Variants in PIGL observed in about 807,000 individuals in gnomAD.
PIGL encodes the protein phosphatidylinositol glycan anchor biosynthesis class L.
A neutral mutation model predicts 31.1 loss-of-function variants in PIGL; 22 were observed. That is an observed-to-expected ratio of 0.71 (90% confidence interval 0.51 to 1.01). The LOEUF is 1.01. PIGL is among the 50% of genes least tolerant of loss of function. The pLI is 0.00. For synonymous variants in PIGL, 131 were observed against 117.4 expected (o/e 1.12, Z -0.75); for missense variants, 302 against 315.9 (o/e 0.96, Z 0.33).
At chr17:16,316,631 C>G (rs1460867700) in intron 4 of PIGL, 50 bp from the exon 5 acceptor site, 2 of 1,545,300 alleles carry the variant, frequency 1.3e-6, no homozygotes, top group Non-Finnish European at 1.8e-6. Context: ...CTGTTACCTA[C>G]AAAGGAAATG....
chr17:16,269,039 T>A (rs1237975355), intron 2 of PIGL, among the ~76,000 whole-genome samples: 1 of 152,164 alleles, frequency 6.6e-6, no homozygotes, highest in Non-Finnish European at 1.5e-5. Flanking sequence ...TGGGATTACA[T>A]GCGTAAGCAA....
chr17:16,243,476 T>C (rs1427695567), intron 2 of PIGL, among the ~76,000 whole-genome samples: 1 of 152,212 alleles, frequency 6.6e-6, no homozygotes, highest in Admixed American at 6.5e-5. Flanking sequence ...AGATTTATTC[T>C]TGATCTTACT....
At position 16,293,648 on chromosome 17, in the gene PIGL, C is replaced by G. The variant is rs116213658; in HGVS notation, c.336-6240C>G. Among the ~76,000 whole-genome samples the G allele has an allele frequency of 6.6e-3, 1,010 of 152,342 alleles. 11 individuals are homozygous for G. Among genetic ancestry groups the G allele is most frequent in the African/African-American group, 0.023 (943 of 41,586 alleles). On this transcript the variant is annotated intron_variant, in intron 2 of 6. Transcript: ENST00000225609. ...GAGTACTTCTGTCAAGCAACTAGTG[C>G]TTGTTAAACCCCCTAACACACTTCC...
intron 2 of PIGL, among the ~76,000 whole-genome samples, chr17:16,256,033 A>G (rs1490012705): frequency 6.6e-6 from 1 of 152,224 alleles, no homozygotes; most frequent in Non-Finnish European, 1.5e-5. Context: ...AAGTACAAAA[A>G]AAAAAGTGAG....
chr17:16,322,027 C>T (rs2093108256), intron 6 of PIGL, among the ~76,000 whole-genome samples: 1 of 152,130 alleles, frequency 6.6e-6, no homozygotes, highest in African/African-American at 2.4e-5. Context: ...CAGGTGATCG[C>T]CCACCTCAGC....
chr17:16,311,653 TG>T (rs1420294153), intron 3 of PIGL, among the ~76,000 whole-genome samples: 1 of 148,012 alleles, frequency 6.8e-6, no homozygotes, highest in Non-Finnish European at 1.5e-5. Flanking sequence ...TAGGGAGTGG[TG>T]ATGACTCTTA....
chr17:16,273,604 G>T (rs1449544318), intron 2 of PIGL, among the ~76,000 whole-genome samples: 1 of 143,246 alleles, frequency 7.0e-6, no homozygotes, highest in Admixed American at 7.2e-5. Flanking sequence ...AGAAAAAAAA[G>T]CAGTGGCAGG....
chr17:16,321,237 C>CTTTTT (rs772667855), intron 6 of PIGL, among the ~76,000 whole-genome samples: 3 of 119,842 alleles, frequency 2.5e-5, no homozygotes, highest in Admixed American at 8.5e-5. Context: ...TGCGCCGGGC[C>CTTTTT]TTTTTTTTTT....
rs1327165002 is a variant in PIGL at position 16,317,837 on chromosome 17, C to T, written c.589C>T (p.Leu197=). 1.2e-6 allele frequency: 2 copies of T among 1,614,040 alleles called. No homozygotes were observed. Among genetic ancestry groups the T allele is most frequent in the Admixed American group, 1.7e-5 (1 of 60,004 alleles). The change falls in exon 6 of 7, where the codon CTG becomes TTG. Residue 197 remains leucine, a synonymous_variant. Coordinates refer to ENST00000225609, the MANE Select transcript of PIGL (RefSeq NM_004278.4). ...VLRKYISLLD[L]PLSLLHTQDV... Reference sequence around the variant, plus strand: ...GCGCAAGTACATCTCCCTTCTGGATCTGCCCTTGTCTCTGCTTCATACGCA... The same window carrying T: ...GCGCAAGTACATCTCCCTTCTGGATTTGCCCTTGTCTCTGCTTCATACGCA...
rs77460995 is a variant in PIGL, at chr17:16,315,564, C to T, written c.495-1117C>T. 3.1e-4 allele frequency among the ~76,000 whole-genome samples: 47 copies of T among 152,218 alleles called. 1 individual carries two copies. The highest frequency in any genetic ancestry group is 1.1e-3 in the African/African-American group (44 of 41,520). ...GCTTTAAGGGCTATAAGCTCTACTTCCAGACAGCGCCTCTAGCTCACTGCT... is the reference window on the plus strand; with the variant it reads ...GCTTTAAGGGCTATAAGCTCTACTTTCAGACAGCGCCTCTAGCTCACTGCT... On this transcript the variant is annotated intron_variant, in intron 4 of 6. Transcript: ENST00000225609.
At chr17:16,248,670 C>A (rs1319184744) in intron 2 of PIGL, among the ~76,000 whole-genome samples, 1 of 152,180 alleles carries the variant, frequency 6.6e-6, no homozygotes, top group Non-Finnish European at 1.5e-5. Context: ...TCCTTCCTGG[C>A]AGTCTAGGAT....
chr17:16,247,728 C>G (rs1244810196), intron 2 of PIGL, among the ~76,000 whole-genome samples: 3 of 152,184 alleles, frequency 2.0e-5, no homozygotes, highest in African/African-American at 7.2e-5. Flanking sequence ...GTCCTGTAGA[C>G]TCTTAAGTCC....
chr17:16,274,735 G>T (rs374101448), intron 2 of PIGL, among the ~76,000 whole-genome samples: 1 of 144,462 alleles, frequency 6.9e-6, no homozygotes, highest in Non-Finnish European at 1.5e-5. Flanking sequence ...AAAAAAAAAA[G>T]AAAGTAAAGG....
intron 4 of PIGL, among the ~76,000 whole-genome samples, chr17:16,314,434 AC>A (rs2093067423): frequency 6.6e-6 from 1 of 152,222 alleles, no homozygotes; most frequent in South Asian, 2.1e-4. Flanking sequence ...TTTGCCCAGC[AC>A]CACAAGGTTA....
chr17:16,316,656 C>T, intron 4 of PIGL, 25 bp from the exon 5 acceptor site: 1 of 1,578,190 alleles, frequency 6.3e-7, no homozygotes, highest in Non-Finnish European at 8.7e-7. Flanking sequence ...TTACTCCTCT[C>T]ACTCTTGTCC....
intron 2 of PIGL, among the ~76,000 whole-genome samples, chr17:16,258,151 GA>G (rs2092804588): frequency 6.7e-6 from 1 of 148,456 alleles, no homozygotes; most frequent in Non-Finnish European, 1.5e-5. Context: ...GAGAGAGAGA[GA>G]GAGAGAAAAC....
At chr17:16,263,548 G>A (rs1314323805) in intron 2 of PIGL, among the ~76,000 whole-genome samples, 13 of 148,290 alleles carry the variant, frequency 8.8e-5, no homozygotes, top group Admixed American at 4.7e-4. Flanking sequence ...TTTCTTAAAC[G>A]AAGTCTCGCT....
chr17:16,294,121 CA>C (rs1004690705), intron 2 of PIGL, among the ~76,000 whole-genome samples: 8 of 152,174 alleles, frequency 5.3e-5, no homozygotes, highest in African/African-American at 1.9e-4. Flanking sequence ...TGGGTGAGAT[CA>C]ATCATTTGCT....
intron 6 of PIGL, among the ~76,000 whole-genome samples, chr17:16,321,426 C>T (rs945821900): frequency 6.6e-6 from 1 of 151,604 alleles, no homozygotes; most frequent in Non-Finnish European, 1.5e-5. Context: ...TTTTAGTAGA[C>T]ACGGGGTTTC....
Sources: gnomAD v4.1 joint callset for allele counts (sites outside exome capture counted in the v4.1 genomes callset) on GRCh38, gnomAD v4.1.1 for gene constraint, MANE v1.5 for transcripts, NCBI Gene and HGNC (gene_info 2026-07-23, HGNC 2026-07-21) for gene names.